The following KALRN variants were observed in gnomAD, a reference collection of about 807,000 sequenced individuals.
KALRN encodes the protein kalirin.
In KALRN, 70 loss-of-function variants were observed where a neutral mutation model predicts 353.7. That is an observed-to-expected ratio of 0.20 (90% CI 0.16 to 0.24). The LOEUF (loss-of-function observed/expected upper bound fraction) is 0.24, where lower values mean the gene tolerates loss of function less well. Ranked by LOEUF, KALRN falls within the 10% of genes least tolerant of loss-of-function variation. The pLI, the probability that KALRN is intolerant of heterozygous loss-of-function variation, is 1.00. For missense variants in KALRN, 2,791 were observed against 3,756.7 expected (o/e 0.74, Z 6.72); for synonymous variants, 1,391 against 1,434.8 (o/e 0.97, Z 0.69).
chr3:124,127,298 G>T (rs2064800556), intron 1 of KALRN, among the ~76,000 whole-genome samples: 1 of 152,186 alleles, frequency 6.6e-6, no homozygotes, highest in Admixed American at 6.5e-5. Flanking sequence ...CTAAATAGAT[G>T]TTTCTGAGAA....
chr3:124,344,966 G>C (rs2149534489), intron 9 of KALRN, among the ~76,000 whole-genome samples: 1 of 152,280 alleles, frequency 6.6e-6, no homozygotes, highest in African/African-American at 2.4e-5. Flanking sequence ...GTATGTGGGT[G>C]AACTAGTAGA....
intron 7 of KALRN, among the ~76,000 whole-genome samples, chr3:124,327,206 C>A (rs759138605): frequency 3.3e-5 from 5 of 152,178 alleles, no homozygotes; most frequent in Admixed American, 6.5e-5. Context: ...AAAATGTGTC[C>A]TGTGTATAGC....
At chr3:124,172,300 C>T (rs895092370) in intron 1 of KALRN, among the ~76,000 whole-genome samples, 2 of 152,172 alleles carry the variant, frequency 1.3e-5, no homozygotes, top group Non-Finnish European at 1.5e-5. Context: ...CTAAGGTCTT[C>T]CTGTCTTACT....
At chr3:124,398,197 T>TA (rs1402435717) in intron 12 of KALRN, among the ~76,000 whole-genome samples, 6 of 152,226 alleles carry the variant, frequency 3.9e-5, no homozygotes, top group African/African-American at 1.4e-4. Context: ...AGAGCATACT[T>TA]ACAATTTTGG....
intron 6 of KALRN, among the ~76,000 whole-genome samples, chr3:124,322,404 A>G (rs2079428759): frequency 6.6e-6 from 1 of 152,206 alleles, no homozygotes; most frequent in Non-Finnish European, 1.5e-5. Context: ...ATGACTCTTG[A>G]TTCCTGGCCC....
intron 1 of KALRN, among the ~76,000 whole-genome samples, chr3:124,099,617 GT>G (rs2061698451): frequency 6.6e-6 from 1 of 152,144 alleles, no homozygotes; most frequent in Non-Finnish European, 1.5e-5. Flanking sequence ...TCTATTTTTA[GT>G]TTTTATGAGA....
intron 1 of KALRN, chr3:124,151,826 G>T: frequency 7.7e-6 from 3 of 390,988 alleles, no homozygotes; most frequent in South Asian, 9.0e-5. Flanking sequence ...CTCACATTTG[G>T]ATCAGTAATT....
intron 57 of KALRN, among the ~76,000 whole-genome samples, chr3:124,708,108 C>A (rs2062725806): frequency 6.6e-6 from 1 of 152,232 alleles, no homozygotes; most frequent in African/African-American, 2.4e-5. Context: ...AACTTGCAGT[C>A]TGAACCTAAC....
At chr3:124,602,754 T>A (rs2076934045) in intron 34 of KALRN, among the ~76,000 whole-genome samples, 1 of 152,184 alleles carries the variant, frequency 6.6e-6, no homozygotes, top group Non-Finnish European at 1.5e-5. Flanking sequence ...ATGGTAACGA[T>A]GAACAGGTGT....
intron 21 of KALRN, among the ~76,000 whole-genome samples, chr3:124,454,881 C>T (rs542739098): frequency 6.6e-6 from 1 of 152,272 alleles, no homozygotes; most frequent in Non-Finnish European, 1.5e-5. Context: ...ATATAAGGAA[C>T]TTGCATATCT....
chr3:124,707,930 A>T (rs2062715467), intron 57 of KALRN, among the ~76,000 whole-genome samples: 1 of 152,242 alleles, frequency 6.6e-6, no homozygotes, highest in Admixed American at 6.5e-5. Flanking sequence ...ACATCCAAAG[A>T]AATATAGCAA....
chr3:124,674,334 T>C (rs1269186887), intron 48 of KALRN, 30 bp from the exon 49 acceptor site: 16 of 1,594,612 alleles, frequency 1.0e-5, no homozygotes, highest in Non-Finnish European at 1.4e-5. Context: ...TCCTTGTGTT[T>C]GTGCCCCTCT....
At chr3:124,251,180 A>G (rs1560361474) in intron 3 of KALRN, among the ~76,000 whole-genome samples, 1 of 152,006 alleles carries the variant, frequency 6.6e-6, no homozygotes, top group Non-Finnish European at 1.5e-5. Context: ...CAAACCCATC[A>G]GGGTTTATGC....
intron 1 of KALRN, among the ~76,000 whole-genome samples, chr3:124,178,910 G>A (rs922121809): frequency 4.6e-5 from 7 of 152,124 alleles, no homozygotes; most frequent in Admixed American, 1.3e-4. Flanking sequence ...TTTCAGACCA[G>A]CCTGGGCAAC....
intron 11 of KALRN, 37 bp from the exon 12 acceptor site, chr3:124,395,098 A>G (rs200110861): frequency 2.5e-6 from 4 of 1,572,288 alleles, no homozygotes; most frequent in Middle Eastern, 1.7e-4. Flanking sequence ...GGCCTCTCCC[A>G]TCTTCCCTGA....
At chr3:124,560,547 A>C (rs142408566) in intron 33 of KALRN, among the ~76,000 whole-genome samples, 10 of 152,366 alleles carry the variant, frequency 6.6e-5, no homozygotes, top group African/African-American at 1.7e-4. Flanking sequence ...ATCTATTCAC[A>C]TGTAGTGTTC....
At chr3:124,369,057 T>TGGGGAGAGGGAG (rs2085453753) in intron 10 of KALRN, among the ~76,000 whole-genome samples, 1 of 144,344 alleles carries the variant, frequency 6.9e-6, no homozygotes, top group Non-Finnish European at 1.5e-5. Flanking sequence ...AGGGAGACCG[T>TGGGGAGAGGGAG]GGGGAGAGGG....
rs1329637396 is a variant in KALRN at position 124,724,553 on chromosome 3, A to G, written c.*5083A>G. ...CGACAGAGCTCACACACGCTCCATC[A>G]AGAAAAGGAAAGCTACTATGTTAAT... On this transcript the variant is annotated 3_prime_UTR_variant, in exon 60 of 60. Transcript: ENST00000682506. 6.6e-6 allele frequency: 1 copy of G among 152,226 alleles called. No homozygotes were observed. Among genetic ancestry groups the G allele is most frequent in the East Asian group, 1.9e-4 (1 of 5,204 alleles). 9.4% of individuals were successfully genotyped at this position (152,226 alleles called of 1,614,324 possible).
chr3:124,646,915 C>T (rs2082827332), intron 37 of KALRN, among the ~76,000 whole-genome samples: 1 of 152,074 alleles, frequency 6.6e-6, no homozygotes, highest in African/African-American at 2.4e-5. Flanking sequence ...TTTACTATCA[C>T]ATCAGAGACA....
Sources: gnomAD v4.1 joint callset for allele counts (sites outside exome capture counted in the v4.1 genomes callset) on GRCh38, gnomAD v4.1.1 for gene constraint, MANE v1.5 for transcripts, NCBI Gene and HGNC (gene_info 2026-07-23, HGNC 2026-07-21) for gene names.